Variants in PICALM observed in about 807,000 individuals in gnomAD.
PICALM encodes phosphatidylinositol binding clathrin assembly protein.
In PICALM, 40 loss-of-function variants were observed where a neutral mutation model predicts 80.5. The observed-to-expected ratio is 0.50, with a 90% CI of 0.39 to 0.65. The LOEUF is 0.65. Ranked by LOEUF, PICALM falls within the 30% of genes least tolerant of loss-of-function variation. The pLI is 0.00. For synonymous variants in PICALM, 288 were observed against 260.3 expected (o/e 1.11, Z -1.02); for missense variants, 676 against 778.9 (o/e 0.87, Z 1.57).
intron 14 of PICALM, among the ~76,000 whole-genome samples, chr11:85,983,298 C>T (rs2094495732): frequency 6.6e-6 from 1 of 152,098 alleles, no homozygotes; most frequent in Non-Finnish European, 1.5e-5. Context: ...TTAATGAAAA[C>T]ACAAAGTGGA....
At chr11:86,028,181 A>C (rs1206560499) in intron 2 of PICALM, among the ~76,000 whole-genome samples, 3 of 152,192 alleles carry the variant, frequency 2.0e-5, no homozygotes, top group African/African-American at 7.2e-5. Context: ...TTTCAACAGC[A>C]TCCTAATGAT....
chr11:85,972,997 T>TA (rs1001634776), intron 19 of PICALM, among the ~76,000 whole-genome samples: 18 of 152,244 alleles, frequency 1.2e-4, no homozygotes, highest in African/African-American at 4.1e-4. Context: ...GTCTATTTTA[T>TA]AAAAACAAAT....
chr11:86,054,597 T>C (rs1346521550), intron 1 of PICALM, among the ~76,000 whole-genome samples: 1 of 152,124 alleles, frequency 6.6e-6, no homozygotes, highest in Non-Finnish European at 1.5e-5. Context: ...TTAAAGTTCC[T>C]GTTACCTCCC....
intron 1 of PICALM, among the ~76,000 whole-genome samples, chr11:86,048,837 CAAAAA>C (rs36076234): frequency 5.9e-5 from 6 of 102,006 alleles, no homozygotes; most frequent in Non-Finnish European, 7.8e-5. Context: ...AACTCCGTCT[CAAAAA>C]AAAAAAAAAA....
chr11:86,006,710 A>C (rs2095284363), intron 8 of PICALM, among the ~76,000 whole-genome samples: 1 of 152,220 alleles, frequency 6.6e-6, no homozygotes, highest in African/African-American at 2.4e-5. Context: ...ACAGATGTCA[A>C]CAAATGAGAG....
chr11:86,039,526 T>C (rs1042614293), intron 1 of PICALM, among the ~76,000 whole-genome samples: 14 of 152,176 alleles, frequency 9.2e-5, no homozygotes, highest in Admixed American at 7.2e-4. Flanking sequence ...CTAAAAACTA[T>C]TCAATAGAAA....
chr11:86,065,767 C>T (rs904015015), intron 1 of PICALM, among the ~76,000 whole-genome samples: 8 of 152,130 alleles, frequency 5.3e-5, no homozygotes, highest in Non-Finnish European at 1.0e-4. Flanking sequence ...CCACTAACAC[C>T]TACAGTATAA....
intron 14 of PICALM, chr11:85,982,215 A>C (rs1555033672): frequency 2.0e-6 from 1 of 500,496 alleles, no homozygotes; most frequent in Non-Finnish European, 3.6e-6. Context: ...GACAGAAATC[A>C]TCTCTTATCT....
chr11:86,035,683 C>G (rs2095828360), intron 1 of PICALM, among the ~76,000 whole-genome samples: 1 of 152,074 alleles, frequency 6.6e-6, no homozygotes, highest in Non-Finnish European at 1.5e-5. Context: ...TGGCTCACAT[C>G]TGTAATCCCA....
chr11:86,014,547 T>C (rs542278369), intron 5 of PICALM, among the ~76,000 whole-genome samples: 13 of 152,332 alleles, frequency 8.5e-5, no homozygotes, highest in African/African-American at 3.1e-4. Flanking sequence ...TTAAGTTGGC[T>C]ATTTATTTAA....
intron 12 of PICALM, among the ~76,000 whole-genome samples, chr11:85,993,628 G>A (rs557054175): frequency 1.6e-4 from 24 of 150,812 alleles, no homozygotes; most frequent in African/African-American, 5.1e-4. Flanking sequence ...TTGTAGAGAT[G>A]GGGTATCACC....
rs370452112 is a variant in PICALM, at chr11:85,966,126, C to T, written c.1945-7066G>A. 1.5e-3 allele frequency among the ~76,000 whole-genome samples: 233 copies of T among 152,016 alleles called. 3 individuals carry two copies. The South Asian group carries it at 0.028, about 18-fold the overall frequency. On this transcript the variant is annotated intron_variant, in intron 19 of 19. Transcript: ENST00000393346. ...GAGCCACCGCACCCGGCCCGCATTA[C>T]GCATTTTGTTTTAGGGGATGCCACA...
chr11:85,987,383 A>G (rs1227163457), intron 13 of PICALM, among the ~76,000 whole-genome samples: 1 of 152,104 alleles, frequency 6.6e-6, no homozygotes, highest in Admixed American at 6.5e-5. Context: ...TTCACCTTAC[A>G]TAATATAGTA....
chr11:86,032,563 T>C (rs1565484428), intron 1 of PICALM, among the ~76,000 whole-genome samples: 2 of 152,112 alleles, frequency 1.3e-5, no homozygotes, highest in East Asian at 1.9e-4. Flanking sequence ...GAGGCGGAGG[T>C]TGCAGTGAGC....
At chr11:86,049,347 C>T (rs1002591973) in intron 1 of PICALM, among the ~76,000 whole-genome samples, 1 of 152,124 alleles carries the variant, frequency 6.6e-6, no homozygotes, top group Admixed American at 6.5e-5. Flanking sequence ...AGATCAAATG[C>T]AACTATCCAG....
At chr11:86,006,843 T>TTGA (rs879850568) in intron 8 of PICALM, among the ~76,000 whole-genome samples, 8 of 152,140 alleles carry the variant, frequency 5.3e-5, no homozygotes, top group Non-Finnish European at 1.0e-4. Context: ...AGAAAATTTT[T>TTGA]TGATGATGAT....
At chr11:85,965,802 A>AT (rs1202220050) in intron 19 of PICALM, among the ~76,000 whole-genome samples, 92 of 105,744 alleles carry the variant, frequency 8.7e-4, no homozygotes, top group Non-Finnish European at 1.2e-3. Flanking sequence ...TGCATTACCC[A>AT]TTTTGTTTTT....
chr11:86,023,789 G>A (rs1229187815), intron 3 of PICALM, among the ~76,000 whole-genome samples: 3 of 152,102 alleles, frequency 2.0e-5, no homozygotes, highest in Non-Finnish European at 4.4e-5. Context: ...TGAAAATAGA[G>A]ACACTCCATT....
At chr11:85,960,865 T>C (rs1413394451) in intron 19 of PICALM, 1 of 479,230 alleles carries the variant, frequency 2.1e-6, no homozygotes, top group Non-Finnish European at 3.3e-6. Flanking sequence ...AAAGAAGAAG[T>C]GGTTTTGGTT....
Sources: gnomAD v4.1 joint callset for allele counts (sites outside exome capture counted in the v4.1 genomes callset) on GRCh38, gnomAD v4.1.1 for gene constraint, MANE v1.5 for transcripts, NCBI Gene and HGNC (gene_info 2026-07-23, HGNC 2026-07-21) for gene names.